Variants in KCNG2 observed in about 807,000 individuals in gnomAD.
KCNG2 encodes the protein potassium voltage-gated channel modifier subfamily G member 2.
KCNG2 carries 7 observed loss-of-function variants against 12.3 expected under a neutral mutation model. The observed-to-expected ratio is 0.57, with a 90% CI of 0.32 to 1.07. The LOEUF (loss-of-function observed/expected upper bound fraction) is 1.07. KCNG2 is among the 50% of genes least tolerant of loss of function. KCNG2 has a pLI of 0.04. For synonymous variants in KCNG2, 414 were observed against 351.4 expected (o/e 1.18, Z -1.99); for missense variants, 703 against 726.0 (o/e 0.97, Z 0.36).
At position 79,899,689 on chromosome 18, in the gene KCNG2, C is replaced by G; in HGVS notation, c.1274C>G (p.Pro425Arg). Residue 425 changes from proline to arginine, a missense_variant, in exon 4 of 4, where the codon CCC (proline) becomes CGC (arginine). Transcript: ENST00000316249. ...LKEQQQRAAS[P>R]EPALQEDSTH... ...GAGCAGCAGCAGCGCGCGGCCAGCC[C>G]CGAGCCGGCCCTGCAGGAGGACAGC... 1 of 1,607,808 alleles carries G rather than the reference C, an allele frequency of 6.2e-7. No individual in the cohort carries two copies. Among genetic ancestry groups the G allele is most frequent in the Non-Finnish European group, 8.5e-7 (1 of 1,178,142 alleles).
chr18:79,847,241 G>A (rs1450375601), intron 1 of KCNG2, among the ~76,000 whole-genome samples: 2 of 152,212 alleles, frequency 1.3e-5, no homozygotes, highest in Non-Finnish European at 2.9e-5. Context: ...CAGGTGCCTT[G>A]GGATGTGGGG....
chr18:79,898,153 C>T (rs1253946535), intron 3 of KCNG2, among the ~76,000 whole-genome samples: 1 of 152,198 alleles, frequency 6.6e-6, no homozygotes, highest in Non-Finnish European at 1.5e-5. Flanking sequence ...TCGGTGTAAA[C>T]TTCTTCATGT....
intron 2 of KCNG2, among the ~76,000 whole-genome samples, chr18:79,860,451 C>T (rs1203731885): frequency 6.6e-6 from 1 of 152,218 alleles, no homozygotes. Context: ...ATTTCTTCCA[C>T]CAATGTTTGT....
At chr18:79,883,582 C>T (rs1324138419) in intron 3 of KCNG2, among the ~76,000 whole-genome samples, 1 of 152,226 alleles carries the variant, frequency 6.6e-6, no homozygotes, top group Non-Finnish European at 1.5e-5. Context: ...GTGGCCGTGA[C>T]CCAGGGGACA....
Position 79,822,865 on chromosome 18 carries a change from G to A in KCNG2, c.-115+24851G>A, listed in dbSNP as rs1460769222. 6.6e-6 allele frequency among the ~76,000 whole-genome samples: 1 copy of A among 152,226 alleles called. No individual in the cohort carries two copies. The highest frequency in any genetic ancestry group is 1.5e-5 in the Non-Finnish European group (1 of 68,050). The stretch of plus-strand genomic sequence containing the variant: ...AGCCCTTGTCTCCCCACGCTTCCGT[G>A]GGGTTGTGGATTCCTTGTGAGGCAC... On this transcript the variant is annotated intron_variant, in intron 1 of 3. Coordinates refer to ENST00000316249, the MANE Select transcript of KCNG2 (RefSeq NM_012283.2). This position sits in a 1 kb window ranked among gnomAD's most constrained non-coding sequence, Gnocchi z 4.4.
chr18:79,871,167 G>A (rs1408986965), intron 3 of KCNG2, among the ~76,000 whole-genome samples: 1 of 152,222 alleles, frequency 6.6e-6, no homozygotes, highest in Non-Finnish European at 1.5e-5. Context: ...AGGCCTCCGG[G>A]GTCCGCCGTG....
chr18:79,852,794 G>T (rs941317185), intron 1 of KCNG2, among the ~76,000 whole-genome samples: 1 of 152,236 alleles, frequency 6.6e-6, no homozygotes, highest in Non-Finnish European at 1.5e-5. Flanking sequence ...CCTCCTGCCC[G>T]GTTCAGGGTT....
At chr18:79,889,187 T>G (rs908646719) in intron 3 of KCNG2, among the ~76,000 whole-genome samples, 2 of 152,236 alleles carry the variant, frequency 1.3e-5, no homozygotes, top group African/African-American at 4.8e-5. Flanking sequence ...TTTTTTGTGC[T>G]TTTGATGCCA....
chr18:79,828,522 T>C lies in KCNG2; in HGVS notation c.-114-27857T>C, dbSNP rs550621094. Among the ~76,000 whole-genome samples the C allele has an allele frequency of 2.3e-5, 3 of 131,888 alleles. No individual in the cohort carries two copies. In the South Asian group the frequency reaches 7.9e-4, roughly 35 times the overall value. 86.5% of individuals were successfully genotyped at this position (131,888 alleles called of 152,430 possible). A position where few individuals can be genotyped will look rare whatever the true frequency, so the allele number is the denominator to read the frequency against. ...CTACATGAGTCTGTGTAGTGTAACG[T>C]GTTTATGCATGTCTGTGTGTGCATC... is the stretch of plus-strand genomic sequence containing the variant. On this transcript the variant is annotated intron_variant, in intron 1 of 3. Transcript: ENST00000316249.
At chr18:79,836,433 A>G (rs1343543732) in intron 1 of KCNG2, among the ~76,000 whole-genome samples, 2 of 152,246 alleles carry the variant, frequency 1.3e-5, no homozygotes, top group African/African-American at 4.8e-5. Context: ...TAACATCATC[A>G]TCCAACAGAT....
chr18:79,892,158 A>G (rs867644633), intron 3 of KCNG2, among the ~76,000 whole-genome samples: 3 of 151,034 alleles, frequency 2.0e-5, no homozygotes, highest in East Asian at 1.9e-4. Context: ...TGAAGTCTCC[A>G]ACTATTATTA....
At chr18:79,866,192 TGAAGTCTGCGTGCTGA>T (rs1197997972) in intron 3 of KCNG2, among the ~76,000 whole-genome samples, 1 of 137,212 alleles carries the variant, frequency 7.3e-6, no homozygotes, top group Non-Finnish European at 1.5e-5. Context: ...GTCTGTGGGC[TGAAGTCTGCGTGCTGA>T]GAAGTCTGTG....
intron 3 of KCNG2, among the ~76,000 whole-genome samples, chr18:79,893,507 GC>G (rs1465156193): frequency 1.3e-5 from 2 of 151,948 alleles, no homozygotes; most frequent in Non-Finnish European, 2.9e-5. Context: ...GCTTTTGATT[GC>G]GTTCTTCACT....
chr18:79,886,960 A>ATATAGGGT, intron 3 of KCNG2, among the ~76,000 whole-genome samples: 1 of 10,366 alleles, frequency 9.6e-5, no homozygotes, highest in African/African-American at 1.1e-4. Flanking sequence ...GGACATGGGG[A>ATATAGGGT]CACAAGACAG....
At chr18:79,895,977 T>C (rs926095149) in intron 3 of KCNG2, among the ~76,000 whole-genome samples, 1 of 152,244 alleles carries the variant, frequency 6.6e-6, no homozygotes, top group African/African-American at 2.4e-5. Flanking sequence ...TATATGTATT[T>C]TTTTTTGAGA....
intron 1 of KCNG2, among the ~76,000 whole-genome samples, chr18:79,798,874 A>G (rs879405): frequency 0.068 from 10,395 of 152,144 alleles, 637 homozygotes; most frequent in African/African-American, 0.15. Context: ...CTAAACCCAC[A>G]AGTCCCGGAG....
intron 1 of KCNG2, among the ~76,000 whole-genome samples, chr18:79,806,669 C>G: frequency 6.6e-6 from 1 of 152,210 alleles, no homozygotes; most frequent in East Asian, 1.9e-4. Context: ...CATGGATTCT[C>G]TAACTCTTCC....
At chr18:79,823,260 T>C (rs2087585656) in intron 1 of KCNG2, among the ~76,000 whole-genome samples, 1 of 152,220 alleles carries the variant, frequency 6.6e-6, no homozygotes, top group Admixed American at 6.5e-5. Flanking sequence ...CCTTGCTCTG[T>C]GCGGGCACTG....
intron 1 of KCNG2, among the ~76,000 whole-genome samples, chr18:79,833,181 G>A (rs1329822327): frequency 2.0e-5 from 3 of 152,136 alleles, no homozygotes; most frequent in East Asian, 3.9e-4. Flanking sequence ...TGTAACCCAG[G>A]CTGGGGTGCA....
Sources: allele counts gnomAD v4.1 joint callset (sites outside exome capture counted in the v4.1 genomes callset), GRCh38; gene constraint gnomAD v4.1.1; non-coding constraint Gnocchi (gnomAD v3.1); transcripts MANE v1.5; gene names NCBI Gene and HGNC (gene_info 2026-07-23, HGNC 2026-07-21).